LPA: variants seen among roughly 807,000 people sequenced by gnomAD.
LPA encodes the protein lipoprotein(a).
LPA carries 199 observed loss-of-function variants against 197.9 expected under a neutral mutation model. The ratio of observed to expected loss-of-function variants is 1.01; its 90% CI spans 0.90 to 1.13. The LOEUF is 1.13. LPA is among the 50% of genes most tolerant of loss of function. LPA has a pLI of 0.00. For synonymous variants in LPA, 715 were observed against 639.5 expected, an observed-to-expected ratio of 1.12 and a Z score of -1.78; for missense variants, 1,853 against 1,785.8, an observed-to-expected ratio of 1.04 and a Z score of -0.68.
intron 28 of LPA, among the ~76,000 whole-genome samples, chr6:160,572,403 G>A (rs767393247): frequency 6.6e-6 from 1 of 152,216 alleles, no homozygotes; most frequent in Non-Finnish European, 1.5e-5. Flanking sequence ...GCATTGAAAT[G>A]TGAGGTGCCA....
intron 34 of LPA, among the ~76,000 whole-genome samples, chr6:160,542,157 C>G (rs1402157165): frequency 6.6e-6 from 1 of 152,114 alleles, no homozygotes. Context: ...TCTGTGGGTT[C>G]GGACTGATTA....
chr6:160,662,232 T>C (rs1780238733), intron 1 of LPA, among the ~76,000 whole-genome samples: 1 of 152,156 alleles, frequency 6.6e-6, no homozygotes, highest in Non-Finnish European at 1.5e-5. Context: ...AAAAATACTT[T>C]TATATTATAG....
chr6:160,658,549 C>T (rs899658638), intron 1 of LPA, among the ~76,000 whole-genome samples: 2 of 152,086 alleles, frequency 1.3e-5, no homozygotes, highest in Non-Finnish European at 1.5e-5. Flanking sequence ...TCATTATGTT[C>T]CTTGGTTCTC....
chr6:160,584,231 TTCTTCTTCCTCC>T (rs1168452594), intron 26 of LPA, among the ~76,000 whole-genome samples: 23 of 83,720 alleles, frequency 2.7e-4, no homozygotes, highest in African/African-American at 6.5e-4. Flanking sequence ...CTTCTTCTTC[TTCTTCTTCCTCC>T]TCCTCCTCCT....
Position 160,657,283 on chromosome 6 carries a change from C to T in LPA, c.50-6786G>A, listed in dbSNP as rs563627091. 6.8e-4 allele frequency among the ~76,000 whole-genome samples: 103 copies of T among 152,308 alleles called. 1 individual carries two copies. Among genetic ancestry groups the T allele is most frequent in the Non-Finnish European group, 1.5e-5 (1 of 68,026 alleles). On this transcript the variant is annotated intron_variant, in intron 1 of 38. Transcript: ENST00000316300. ...GACTAATCCACTCCACCATCCTAAT[C>T]TCCCTAAGCCTTTGGATCACTTCCT...
At chr6:160,661,582 C>T (rs1780227867) in intron 1 of LPA, among the ~76,000 whole-genome samples, 1 of 152,186 alleles carries the variant, frequency 6.6e-6, no homozygotes, top group African/African-American at 2.4e-5. Context: ...GGCCACAGTC[C>T]ACCTGCTCCC....
At chr6:160,573,345 C>CT (rs200682905) in intron 28 of LPA, among the ~76,000 whole-genome samples, 3,911 of 145,728 alleles carry the variant, frequency 0.027, 115 homozygotes, top group Middle Eastern at 0.17. Flanking sequence ...CTTCTTATAC[C>CT]TTTTTTTTTT....
chr6:160,649,906 T>C (rs150161088), intron 2 of LPA, among the ~76,000 whole-genome samples: 41 of 152,332 alleles, frequency 2.7e-4, no homozygotes, highest in Middle Eastern at 3.4e-3. Context: ...GACATAGATA[T>C]AGAAAAAGAT....
At chr6:160,586,675 T>C (rs759078765) in intron 24 of LPA, 45 bp from the exon 25 acceptor site, 3 of 1,612,358 alleles carry the variant, frequency 1.9e-6, no homozygotes, top group African/African-American at 1.3e-5. Flanking sequence ...TTGGAGAAGA[T>C]ACAGCACCAC....
chr6:160,599,636 C>G lies in LPA; in HGVS notation c.3151G>C (p.Val1051Leu). The change falls in exon 20 of 39, where the codon GTA becomes CTA. Residue 1051 changes from valine to leucine, a missense_variant. Val to Leu is a conservative substitution (Grantham distance 32, BLOSUM62 1). Around this residue, in one of 3 missense-constraint regions of LPA, gnomAD observed 1,737 missense variants for 1,504.4 expected, o/e 1.15. Transcript: ENST00000316300. ...EQALTEETPGVQDCYYHYGQS... is the reference protein window; with the variant it reads ...EQALTEETPGLQDCYYHYGQS... ...CCATAATGGTAGTAGCAGTCCTGTA[C>G]CCCGGGGGTTTCCTCAGTCAGTGCT... 1 of 1,614,026 alleles carries G rather than the reference C, an allele frequency of 6.2e-7. No homozygotes were observed. The highest frequency in any genetic ancestry group is 1.3e-5 in the African/African-American group (1 of 75,008).
chr6:160,594,785 C>G (rs1447728537), intron 21 of LPA, among the ~76,000 whole-genome samples: 3 of 152,150 alleles, frequency 2.0e-5, no homozygotes, highest in Admixed American at 2.0e-4. Flanking sequence ...ACTGAGAGAT[C>G]CCTCCCATCA....
rs767471776 is a variant in LPA, at chr6:160,599,644, G to T, written c.3143C>A (p.Thr1048Asn). 1.9e-5 allele frequency: 31 copies of T among 1,613,892 alleles called. 1 individual carries two copies. In the South Asian group the frequency reaches 2.7e-4, roughly 14 times the overall value. The change falls in exon 20 of 39, where the codon ACC becomes AAC. Residue 1048 changes from threonine (T) to asparagine (N), a missense_variant. Physicochemically the swap from Thr to Asn is moderately conservative, Grantham distance 65 (BLOSUM62 0). Coordinates refer to ENST00000316300, the MANE Select transcript of LPA (RefSeq NM_005577.4). The part of the protein sequence containing the change: ...AFFEQALTEE[T>N]PGVQDCYYHY... ...GTAGTAGCAGTCCTGTACCCCGGGG[G>T]TTTCCTCAGTCAGTGCTGAAATTAA... is the stretch of plus-strand genomic sequence containing the variant.
At chr6:160,538,769 CTAAA>C (rs1178180645) in intron 36 of LPA, among the ~76,000 whole-genome samples, 1 of 152,166 alleles carries the variant, frequency 6.6e-6, no homozygotes, top group Non-Finnish European at 1.5e-5. Context: ...TCATGGAGCA[CTAAA>C]TGCCCTAGAC....
chr6:160,572,237 G>A (rs764976493), intron 28 of LPA, among the ~76,000 whole-genome samples: 9 of 152,070 alleles, frequency 5.9e-5, no homozygotes, highest in South Asian at 2.1e-4. Context: ...GAGATGAGCC[G>A]GGTACCTTGG....
Position 160,556,532 on chromosome 6 carries a change from A to G in LPA, c.4814-348T>C, listed in dbSNP as rs377286738. Among the ~76,000 whole-genome samples, 112 of 152,218 alleles carry G rather than the reference A, an allele frequency of 7.4e-4. 4 individuals carry two copies. In the South Asian group the frequency reaches 0.022, roughly 30 times the overall value. The stretch of plus-strand genomic sequence containing the variant: ...TGATGGATTAGGTTATGCAGGCTGT[A>G]TGGTGATTGGCTGTCAGTAGGGGAC... On this transcript the variant is annotated intron_variant, in intron 29 of 38. Coordinates refer to ENST00000316300, the MANE Select transcript of LPA (RefSeq NM_005577.4).
chr6:160,547,287 G>A (rs960180334), intron 32 of LPA, among the ~76,000 whole-genome samples: 10 of 152,174 alleles, frequency 6.6e-5, no homozygotes, highest in African/African-American at 2.4e-4. Context: ...TAAGGAGCAT[G>A]CAATCTAGAT....
Position 160,586,532 on chromosome 6 carries a change from G to T in LPA, c.4046C>A (p.Thr1349Lys), listed in dbSNP as rs201200716. Residue 1349 changes from threonine (T) to lysine (K), a missense_variant, in exon 25 of 39, where the codon ACG becomes AAG. By Grantham distance (78) the Thr-to-Lys change is moderately conservative (BLOSUM62 -1). Transcript: ENST00000316300. ...AGTTGATTCCATCACTGGACATTGC[G>T]TCAGGTTGCAGTACTCCCATCTGAC... is the stretch of plus-strand genomic sequence containing the variant. ...PSVRWEYCNLTQCPVMESTLL... is the reference protein window; with the variant it reads ...PSVRWEYCNLKQCPVMESTLL... 6.6e-4 allele frequency: 1,073 copies of T among 1,613,772 alleles called. 1 individual carries two copies. The highest frequency in any genetic ancestry group is 8.2e-4 in the Non-Finnish European group (968 of 1,179,784).
At chr6:160,586,336 G>A in intron 25 of LPA, 113 bp downstream of exon 25, 3 of 1,280,140 alleles carry the variant, frequency 2.3e-6, no homozygotes, top group Non-Finnish European at 3.3e-6. Context: ...GGCTGTCCAT[G>A]ACTTCACCTT....
chr6:160,576,394 A>ATATATATATATATATATATGTG (rs1778673736), intron 28 of LPA, among the ~76,000 whole-genome samples: 1 of 53,754 alleles, frequency 1.9e-5, no homozygotes, highest in Non-Finnish European at 4.7e-5. Flanking sequence ...ATATATGTAT[A>ATATATATATATATATATATGTG]TATATATATA....
Sources: allele counts gnomAD v4.1 joint callset (sites outside exome capture counted in the v4.1 genomes callset), GRCh38; gene constraint gnomAD v4.1.1; regional missense constraint gnomAD v4.1.1; transcripts MANE v1.5; gene names NCBI Gene and HGNC (gene_info 2026-07-23, HGNC 2026-07-21).